The following RBFOX1 variants were observed in gnomAD, a reference collection of about 807,000 sequenced individuals.
RBFOX1 encodes the protein RNA binding protein fox-1 homolog 1.
A neutral mutation model predicts 57.7 loss-of-function variants in RBFOX1; 8 were observed. The observed-to-expected ratio is 0.14, with a 90% CI of 0.08 to 0.25. The LOEUF is 0.25. Ranked by LOEUF, RBFOX1 falls within the 10% of genes least tolerant of loss-of-function variation. RBFOX1 has a pLI of 1.00. For synonymous variants in RBFOX1, 326 were observed against 222.4 expected, an observed-to-expected ratio of 1.47 and a Z score of -4.15; for missense variants, 611 against 548.5, an observed-to-expected ratio of 1.11 and a Z score of -1.14.
At chr16:6,464,848 C>A (rs199887828) in intron 2 of RBFOX1, among the ~76,000 whole-genome samples, 1 of 152,202 alleles carries the variant, frequency 6.6e-6, no homozygotes, top group South Asian at 2.1e-4. Context: ...GATAGCAGTG[C>A]GTTAAAAACA....
chr16:5,417,586 G>C (rs568778), intron 1 of RBFOX1, among the ~76,000 whole-genome samples: 17,085 of 152,184 alleles, frequency 0.11, 2,092 homozygotes, highest in African/African-American at 0.31. Flanking sequence ...AACCAGAAGA[G>C]AGCAAAGGTG....
intron 14 of RBFOX1, among the ~76,000 whole-genome samples, chr16:7,692,529 C>G (rs966202996): frequency 1.3e-5 from 2 of 152,154 alleles, no homozygotes; most frequent in Non-Finnish European, 2.9e-5. Flanking sequence ...AGCCCCTGTA[C>G]TGCTACTTTT....
intron 2 of RBFOX1, among the ~76,000 whole-genome samples, chr16:5,564,956 T>C (rs945260990): frequency 2.0e-5 from 3 of 152,152 alleles, no homozygotes; most frequent in Non-Finnish European, 4.4e-5. Flanking sequence ...TTACATGGAT[T>C]GGTTTTTTAG....
chr16:5,935,301 C>T lies in RBFOX1; in HGVS notation c.351+67966C>T, dbSNP rs117657841. Among the ~76,000 whole-genome samples, 789 of 152,288 alleles carry T rather than the reference C, an allele frequency of 5.2e-3. 4 individuals carry two copies. The highest frequency in any genetic ancestry group is 8.1e-3 in the Non-Finnish European group (550 of 68,032). Reference sequence around the variant, plus strand: ...ATGTTCCCAAGAGTAGGGGGCAGGCCATGCCACATGGGGCCACATGGGGAC... The same window carrying T: ...ATGTTCCCAAGAGTAGGGGGCAGGCTATGCCACATGGGGCCACATGGGGAC... On this transcript the variant is annotated intron_variant, in intron 4 of 19. Transcript: ENST00000641259.
chr16:6,636,672 T>A (rs1042545500), intron 2 of RBFOX1, among the ~76,000 whole-genome samples: 1 of 149,520 alleles, frequency 6.7e-6, no homozygotes, highest in Non-Finnish European at 1.5e-5. Flanking sequence ...CCGAGCTACA[T>A]CACATAAACA....
At chr16:7,215,817 C>G (rs552528943) in intron 4 of RBFOX1, among the ~76,000 whole-genome samples, 1 of 150,288 alleles carries the variant, frequency 6.7e-6, no homozygotes, top group South Asian at 2.1e-4. Context: ...CTCTGCCTCT[C>G]GGGTTCACGC....
intron 4 of RBFOX1, among the ~76,000 whole-genome samples, chr16:7,428,941 C>A (rs1274220334): frequency 6.6e-6 from 1 of 152,046 alleles, no homozygotes; most frequent in Non-Finnish European, 1.5e-5. Context: ...AAGTACAACA[C>A]AGTACAATGC....
At chr16:6,643,471 CAG>C (rs2098508742) in intron 2 of RBFOX1, among the ~76,000 whole-genome samples, 2 of 152,108 alleles carry the variant, frequency 1.3e-5, no homozygotes, top group African/African-American at 4.8e-5. Flanking sequence ...TAAGTGAACA[CAG>C]ACTCTGAAGA....
rs547454174 is a variant in RBFOX1, at chr16:6,713,527, C to G, written c.-16+58877C>G. 2.6e-5 allele frequency among the ~76,000 whole-genome samples: 4 copies of G among 152,036 alleles called. No individual in the cohort carries two copies. In the East Asian group the frequency reaches 5.8e-4, roughly 22 times the overall value. On this transcript the variant is annotated intron_variant, in intron 3 of 15. Transcript: ENST00000550418. ...ATCCCTGGCCTCTACCCACTAGATGCAAGTAAAACCCCCTCCCCAGTTGAG... is the reference window on the plus strand; with the variant it reads ...ATCCCTGGCCTCTACCCACTAGATGGAAGTAAAACCCCCTCCCCAGTTGAG...
chr16:6,614,468 G>A (rs962451521), intron 2 of RBFOX1, among the ~76,000 whole-genome samples: 1 of 152,158 alleles, frequency 6.6e-6, no homozygotes, highest in Non-Finnish European at 1.5e-5. Context: ...AATCTTTACC[G>A]GGACAGGACA....
In RBFOX1 at chr16:5,562,078, C is replaced by T. The variant is rs116642141; in HGVS notation, c.259-36824C>T. Among the ~76,000 whole-genome samples, 680 of 152,234 alleles carry T rather than the reference C, an allele frequency of 4.5e-3. 1 individual carries two copies. Among genetic ancestry groups the T allele is most frequent in the African/African-American group, 0.015 (640 of 41,534 alleles). On this transcript the variant is annotated intron_variant, in intron 2 of 2. Coordinates refer to the RBFOX1 transcript ENST00000585867. ...TCCAGGGTGAGACGCTTTGAAATCT[C>T]GGCACTCATTTTGTCTCTAGCTTAA...
chr16:6,683,770 G>A (rs35435717), intron 3 of RBFOX1, among the ~76,000 whole-genome samples: 44,840 of 151,964 alleles, frequency 0.3, 7,533 homozygotes, highest in East Asian at 0.54. Flanking sequence ...GGAGCTTTGC[G>A]GTCAGACATA....
chr16:7,096,823 G>T (rs981217920), intron 4 of RBFOX1, among the ~76,000 whole-genome samples: 3 of 150,346 alleles, frequency 2.0e-5, no homozygotes, highest in Non-Finnish European at 3.0e-5. Context: ...TCCCAGCTAC[G>T]TAGGGGGCTG....
intron 4 of RBFOX1, among the ~76,000 whole-genome samples, chr16:5,959,855 T>C (rs2059714330): frequency 1.3e-5 from 2 of 152,234 alleles, no homozygotes; most frequent in East Asian, 3.9e-4. Context: ...GGTGGCTTTC[T>C]CTCTCTGCCC....
chr16:6,326,297 A>G (rs956718181), intron 2 of RBFOX1, among the ~76,000 whole-genome samples: 3 of 152,322 alleles, frequency 2.0e-5, no homozygotes, highest in African/African-American at 7.2e-5. Flanking sequence ...ATAGTAAACA[A>G]ACAGATATGG....
chr16:6,215,865 G>A (rs1010352903), intron 1 of RBFOX1, among the ~76,000 whole-genome samples: 18 of 152,080 alleles, frequency 1.2e-4, no homozygotes, highest in Non-Finnish European at 2.1e-4. Flanking sequence ...GAATCAACTC[G>A]CCACATGCCC....
chr16:7,274,792 C>A (rs1202108628), intron 4 of RBFOX1, among the ~76,000 whole-genome samples: 1 of 152,012 alleles, frequency 6.6e-6, no homozygotes. Context: ...TCCAGTGATT[C>A]TCATGGCTCA....
At position 7,185,922 on chromosome 16, in the gene RBFOX1, C is replaced by A. The variant is rs528845079; in HGVS notation, c.27+133824C>A. ...GCAATGATACAATTCCCACTGGTGA[C>A]TCACTTCCTGACCCTTTCTCCCCGT... is the stretch of plus-strand genomic sequence containing the variant. On this transcript the variant is annotated intron_variant, in intron 4 of 15. Transcript: ENST00000550418. Among the ~76,000 whole-genome samples the A allele has an allele frequency of 1.8e-4, 28 of 152,278 alleles. 1 individual carries two copies. Among genetic ancestry groups the A allele is most frequent in the Admixed American group, 1.6e-3 (25 of 15,292 alleles).
chr16:5,695,414 C>T (rs2050816808), intron 3 of RBFOX1, among the ~76,000 whole-genome samples: 1 of 152,088 alleles, frequency 6.6e-6, no homozygotes, highest in Non-Finnish European at 1.5e-5. Context: ...CACTGAGAAT[C>T]TCTAAAAAAC....
Sources: gnomAD v4.1 joint callset for allele counts (sites outside exome capture counted in the v4.1 genomes callset) on GRCh38, gnomAD v4.1.1 for gene constraint, MANE v1.5 for transcripts, NCBI Gene and HGNC (gene_info 2026-07-23, HGNC 2026-07-21) for gene names.